Variants in KDM6A observed in about 807,000 individuals in gnomAD.
KDM6A encodes the protein lysine-specific demethylase 6A.
In KDM6A, 11 loss-of-function variants were observed where a neutral mutation model predicts 117.6. That is an observed-to-expected ratio of 0.09 (90% CI 0.06 to 0.15). The LOEUF (loss-of-function observed/expected upper bound fraction) is 0.15. Ranked by LOEUF, KDM6A falls within the 10% of genes least tolerant of loss-of-function variation. The pLI, the probability that KDM6A is intolerant of heterozygous loss-of-function variation, is 1.00. For missense variants in KDM6A, 799 were observed against 1,077.3 expected (o/e 0.74, Z 3.62); for synonymous variants, 384 against 396.1 (o/e 0.97, Z 0.36).
At chrX:44,917,711 T>G (rs746868704) in intron 2 of KDM6A, among the ~76,000 whole-genome samples, 1 of 111,865 alleles carries the variant, frequency 8.9e-6, no homozygotes, top group African/African-American at 3.2e-5. Flanking sequence ...AAACAAAGGT[T>G]CAGAGTGTTT....
intron 2 of KDM6A, among the ~76,000 whole-genome samples, chrX:44,886,783 G>A (rs1235122456): frequency 1.5e-4 from 16 of 109,921 alleles, no homozygotes; most frequent in African/African-American, 5.3e-4. Flanking sequence ...GAGACACCGC[G>A]CCCGGCCTAC....
chrX:44,956,620 T>G (rs2038343184), intron 2 of KDM6A, among the ~76,000 whole-genome samples: 1 of 110,936 alleles, frequency 9.0e-6, no homozygotes, highest in African/African-American at 3.3e-5. Context: ...CCTGGGCTGG[T>G]CTCGAACTCC....
intron 2 of KDM6A, among the ~76,000 whole-genome samples, chrX:44,933,260 ATTTTTTTTT>A (rs56098621): frequency 3.3e-4 from 12 of 36,537 alleles, no homozygotes; most frequent in African/African-American, 1.2e-3. Context: ...GTTTATGTTG[ATTTTTTTTT>A]TTTTTTTTTT....
At chrX:45,049,303 T>A (rs1169278134) in intron 8 of KDM6A, among the ~76,000 whole-genome samples, 1 of 112,189 alleles carries the variant, frequency 8.9e-6, no homozygotes, top group African/African-American at 3.2e-5. Context: ...GGATTACTTA[T>A]GTCCATTGCC....
intron 2 of KDM6A, among the ~76,000 whole-genome samples, chrX:44,939,384 A>G (rs774394956): frequency 8.9e-6 from 1 of 112,220 alleles, no homozygotes; most frequent in South Asian, 3.7e-4. Flanking sequence ...TGTGGTAGAA[A>G]TAGCAAAAGA....
chrX:44,892,908 C>G (rs751199215), intron 2 of KDM6A, among the ~76,000 whole-genome samples: 10 of 104,348 alleles, frequency 9.6e-5, no homozygotes, highest in Non-Finnish European at 1.5e-4. Flanking sequence ...GAGGCTGAGG[C>G]AGGAGAATCG....
intron 2 of KDM6A, among the ~76,000 whole-genome samples, chrX:44,946,523 A>G (rs944775952): frequency 2.8e-5 from 3 of 109,064 alleles, no homozygotes; most frequent in Non-Finnish European, 3.8e-5. Flanking sequence ...CTTTATACTA[A>G]TTTTTTTTTT....
At chrX:44,921,705 C>T (rs931880471) in intron 2 of KDM6A, among the ~76,000 whole-genome samples, 8 of 111,172 alleles carry the variant, frequency 7.2e-5, no homozygotes, top group African/African-American at 2.6e-4. Context: ...TTTAACTACT[C>T]ATCCAATGAA....
chrX:44,874,840 A>G (rs2031320048), intron 2 of KDM6A, among the ~76,000 whole-genome samples: 1 of 111,220 alleles, frequency 9.0e-6, no homozygotes, highest in South Asian at 3.8e-4. Flanking sequence ...AGCCGTGAAT[A>G]AGCCTTTCCT....
At chrX:44,888,999 C>T (rs1288188712) in intron 2 of KDM6A, among the ~76,000 whole-genome samples, 2 of 111,875 alleles carry the variant, frequency 1.8e-5, no homozygotes, top group Non-Finnish European at 3.8e-5. Flanking sequence ...ACTTTCTGAT[C>T]TATTGAAAGT....
At chrX:44,952,883 C>G (rs933001051) in intron 2 of KDM6A, among the ~76,000 whole-genome samples, 1 of 109,640 alleles carries the variant, frequency 9.1e-6, no homozygotes, top group Non-Finnish European at 1.9e-5. Context: ...CTTAAGTGAT[C>G]CTACCACCTC....
At chrX:45,097,026 C>A (rs1335662392) in intron 27 of KDM6A, among the ~76,000 whole-genome samples, 2 of 111,803 alleles carry the variant, frequency 1.8e-5, no homozygotes, top group Admixed American at 1.9e-4. Flanking sequence ...TACTATACAG[C>A]TATAAAATAA....
chrX:45,082,399 A>T (rs2148139929), intron 21 of KDM6A, 177 bp from the exon 22 acceptor site: 1 of 434,792 alleles, frequency 2.3e-6, no homozygotes, highest in African/African-American at 2.5e-5. Context: ...GCACCACTGC[A>T]CTCCAGCCTG....
At chrX:44,885,271 C>A (rs2032750142) in intron 2 of KDM6A, among the ~76,000 whole-genome samples, 1 of 107,663 alleles carries the variant, frequency 9.3e-6, no homozygotes. Context: ...AAGTGATCTT[C>A]TGGCCTTGGC....
chrX:45,075,139 C>T (rs1250314848), intron 18 of KDM6A, among the ~76,000 whole-genome samples: 3 of 111,679 alleles, frequency 2.7e-5, no homozygotes, highest in Non-Finnish European at 5.7e-5. Flanking sequence ...TCATATTTTG[C>T]TTATATTCGA....
At chrX:45,031,505 A>G (rs2042600423) in intron 6 of KDM6A, among the ~76,000 whole-genome samples, 1 of 111,993 alleles carries the variant, frequency 8.9e-6, no homozygotes, top group African/African-American at 3.2e-5. Context: ...GTGTGGTTTA[A>G]CTCTGTATAT....
chrX:45,070,505 T>C (rs1602870084), intron 18 of KDM6A, 148 bp downstream of exon 18: 2 of 549,322 alleles, frequency 3.6e-6, no homozygotes, highest in Middle Eastern at 5.2e-4. Flanking sequence ...TTATTTTGCT[T>C]AGATGTTGTA....
chrX:44,994,871 G>A (rs913201714), intron 4 of KDM6A, among the ~76,000 whole-genome samples: 5 of 111,560 alleles, frequency 4.5e-5, no homozygotes, highest in Non-Finnish European at 9.4e-5. Flanking sequence ...AGGAAAAATG[G>A]TTATGACAGG....
chrX:44,968,158 G>A (rs2039129692), intron 3 of KDM6A, among the ~76,000 whole-genome samples: 2 of 112,391 alleles, frequency 1.8e-5, no homozygotes, highest in South Asian at 7.3e-4. Flanking sequence ...GCCCTTGAGA[G>A]CTATACCAAG....
Sources: allele counts gnomAD v4.1 joint callset (sites outside exome capture counted in the v4.1 genomes callset), GRCh38; gene constraint gnomAD v4.1.1; transcripts MANE v1.5; gene names NCBI Gene and HGNC (gene_info 2026-07-23, HGNC 2026-07-21).